Variants in SYT1 observed in about 807,000 individuals in gnomAD.
The protein encoded by SYT1 is synaptotagmin 1.
A neutral mutation model predicts 44.8 loss-of-function variants in SYT1; 8 were observed. That is an observed-to-expected ratio of 0.18 (90% CI 0.10 to 0.32). SYT1 has a LOEUF of 0.32. Among genes scored for constraint, SYT1 ranks in the 10% least tolerant of loss-of-function variants. The pLI, the probability that SYT1 is intolerant of heterozygous loss-of-function variation, is 1.00. For missense variants in SYT1, 286 were observed against 509.3 expected (o/e 0.56, Z 4.22); for synonymous variants, 154 against 188.8 (o/e 0.82, Z 1.51).
At chr12:79,292,885 C>G (rs188666024) in intron 6 of SYT1, among the ~76,000 whole-genome samples, 1 of 152,252 alleles carries the variant, frequency 6.6e-6, no homozygotes, top group African/African-American at 2.4e-5. Context: ...TGTTAAAAAT[C>G]GCTTTTCATT....
rs78201655 is a variant in SYT1 at position 78,888,275 on chromosome 12, C to A, written c.-217+23166C>A. Among the ~76,000 whole-genome samples, 219 of 151,828 alleles carry A rather than the reference C, an allele frequency of 1.4e-3. 3 individuals carry two copies. In the East Asian group the frequency reaches 0.033, roughly 23 times the overall value. On this transcript the variant is annotated intron_variant, in intron 1 of 10. Coordinates refer to ENST00000261205, the MANE Select transcript of SYT1 (RefSeq NM_005639.3). The stretch of plus-strand genomic sequence containing the variant: ...TAAATGGATTGCTCATATTTCAATT[C>A]TTAGACCTCATCTTCATTTCCTCTC...
intron 1 of SYT1, among the ~76,000 whole-genome samples, chr12:78,946,299 C>G (rs968302135): frequency 6.6e-6 from 1 of 152,050 alleles, no homozygotes; most frequent in Non-Finnish European, 1.5e-5. Flanking sequence ...CAGCAGGAAA[C>G]AAGAAAGACA....
intron 3 of SYT1, among the ~76,000 whole-genome samples, chr12:79,175,842 C>T (rs1871824844): frequency 6.6e-6 from 1 of 152,016 alleles, no homozygotes; most frequent in Non-Finnish European, 1.5e-5. Context: ...AATATTGCTT[C>T]TAAGACCTGG....
chr12:79,449,688 C>T lies in SYT1; in HGVS notation c.*564C>T, dbSNP rs1187152191. 2 of 152,546 alleles carry T rather than the reference C, an allele frequency of 1.3e-5. No individual in the cohort carries two copies. Among genetic ancestry groups the T allele is most frequent in the African/African-American group, 2.4e-5 (1 of 41,416 alleles). 9.4% of individuals were successfully genotyped at this position (152,546 alleles called of 1,614,324 possible). A position where few individuals can be genotyped will look rare whatever the true frequency, so the allele number is the denominator to read the frequency against. The stretch of plus-strand genomic sequence containing the variant: ...ATTTGAGTACCAAGATAAACTTACA[C>T]CACATACTTGGTGGGTGAATCCAAT... On this transcript the variant is annotated 3_prime_UTR_variant, in exon 11 of 11. Transcript: ENST00000261205.
At chr12:79,225,789 A>G (rs1875481420) in intron 4 of SYT1, among the ~76,000 whole-genome samples, 1 of 152,036 alleles carries the variant, frequency 6.6e-6, no homozygotes, top group Non-Finnish European at 1.5e-5. Context: ...TCATTTACCC[A>G]TTTCCTTTTG....
chr12:79,192,680 G>A (rs557812986), intron 3 of SYT1, among the ~76,000 whole-genome samples: 5 of 152,190 alleles, frequency 3.3e-5, no homozygotes, highest in South Asian at 4.1e-4. Context: ...AGTATTTTGC[G>A]AAACCATTCT....
chr12:79,117,662 CATATAT>C (rs57706449), intron 3 of SYT1, among the ~76,000 whole-genome samples: 2,262 of 38,450 alleles, frequency 0.059, 111 homozygotes, highest in Middle Eastern at 0.071. Flanking sequence ...TGTATTACAT[CATATAT>C]ATATATATAT....
chr12:79,363,911 A>T (rs1427905868), intron 9 of SYT1, among the ~76,000 whole-genome samples: 1 of 152,124 alleles, frequency 6.6e-6, no homozygotes, highest in African/African-American at 2.4e-5. Flanking sequence ...GAGAGCAGGG[A>T]TTGTGTCTAC....
intron 1 of SYT1, among the ~76,000 whole-genome samples, chr12:78,906,318 A>G (rs1490833919): frequency 6.6e-6 from 1 of 152,122 alleles, no homozygotes; most frequent in Non-Finnish European, 1.5e-5. Context: ...GTATTTCCTC[A>G]TGACAAGTGG....
chr12:78,947,059 T>C (rs937045718), intron 1 of SYT1, among the ~76,000 whole-genome samples: 1 of 152,192 alleles, frequency 6.6e-6, no homozygotes, highest in Non-Finnish European at 1.5e-5. Flanking sequence ...GACATTTATT[T>C]ATTGTATCTG....
At chr12:78,906,480 T>C (rs992065100) in intron 1 of SYT1, among the ~76,000 whole-genome samples, 3 of 152,062 alleles carry the variant, frequency 2.0e-5, no homozygotes, top group Non-Finnish European at 4.4e-5. Flanking sequence ...ATGTACTAAG[T>C]TGTAAAATAT....
chr12:79,015,074 G>A (rs887413580), intron 2 of SYT1, among the ~76,000 whole-genome samples: 4 of 151,828 alleles, frequency 2.6e-5, no homozygotes, highest in Non-Finnish European at 4.4e-5. Flanking sequence ...GGTGGGGGGA[G>A]AGGGGAGGGA....
At chr12:79,219,954 G>C (rs1266750090) in intron 4 of SYT1, among the ~76,000 whole-genome samples, 1 of 151,994 alleles carries the variant, frequency 6.6e-6, no homozygotes, top group Admixed American at 6.6e-5. Context: ...TTTGTAAAAT[G>C]AGTTTGGAAG....
chr12:79,051,134 C>T (rs1247608056), intron 3 of SYT1, among the ~76,000 whole-genome samples: 9 of 151,206 alleles, frequency 6.0e-5, no homozygotes, highest in Admixed American at 4.0e-4. Flanking sequence ...ATGCATGTGT[C>T]GGAACTGTTA....
chr12:79,343,269 C>A (rs978386139), intron 8 of SYT1, among the ~76,000 whole-genome samples: 1 of 152,136 alleles, frequency 6.6e-6, no homozygotes, highest in African/African-American at 2.4e-5. Flanking sequence ...TGATTGTAAC[C>A]AATTTCTTCA....
intron 9 of SYT1, among the ~76,000 whole-genome samples, chr12:79,361,705 T>C (rs1486995710): frequency 1.3e-5 from 2 of 152,234 alleles, no homozygotes; most frequent in Non-Finnish European, 2.9e-5. Flanking sequence ...TGGTATGTTA[T>C]TTTAGTGACT....
chr12:79,355,620 G>A (rs1435759537), intron 9 of SYT1, among the ~76,000 whole-genome samples: 2 of 152,078 alleles, frequency 1.3e-5, no homozygotes, highest in African/African-American at 4.8e-5. Context: ...CCTATGTCAT[G>A]CCATATCTCA....
intron 3 of SYT1, among the ~76,000 whole-genome samples, chr12:79,088,289 G>A (rs540660959): frequency 8.7e-4 from 132 of 152,140 alleles, no homozygotes; most frequent in African/African-American, 3.2e-3. Context: ...TAGGGGTGAA[G>A]GGAATCTTCC....
chr12:78,964,487 C>T (rs995706399), intron 1 of SYT1, among the ~76,000 whole-genome samples: 4 of 152,008 alleles, frequency 2.6e-5, no homozygotes, highest in Non-Finnish European at 4.4e-5. Flanking sequence ...GAATTTTGGA[C>T]GATTTGAGAT....
Sources: allele counts gnomAD v4.1 joint callset (sites outside exome capture counted in the v4.1 genomes callset), GRCh38; gene constraint gnomAD v4.1.1; transcripts MANE v1.5; gene names NCBI Gene and HGNC (gene_info 2026-07-23, HGNC 2026-07-21).